Variants in DPP10 observed in about 807,000 individuals in gnomAD.
The protein encoded by DPP10 is inactive dipeptidyl peptidase 10.
In DPP10, 33 loss-of-function variants were observed where a neutral mutation model predicts 120.9. The ratio of observed to expected loss-of-function variants is 0.27; its 90% CI spans 0.21 to 0.37. The LOEUF (loss-of-function observed/expected upper bound fraction) is 0.37, where lower values mean the gene tolerates loss of function less well. Among genes scored for constraint, DPP10 ranks in the 10% least tolerant of loss-of-function variants. The pLI is 1.00. For missense variants in DPP10, 816 were observed against 942.8 expected, an observed-to-expected ratio of 0.87 and a Z score of 1.76; for synonymous variants, 337 against 326.1, an observed-to-expected ratio of 1.03 and a Z score of -0.36.
chr2:115,089,091 A>G (rs186923168), intron 1 of DPP10, among the ~76,000 whole-genome samples: 1 of 151,894 alleles, frequency 6.6e-6, no homozygotes, highest in African/African-American at 2.4e-5. Flanking sequence ...CTGCCCGCAA[A>G]CTTCTTGACA....
chr2:114,597,441 T>C (rs1299910308), intron 1 of DPP10, among the ~76,000 whole-genome samples: 1 of 152,026 alleles, frequency 6.6e-6, no homozygotes, highest in Non-Finnish European at 1.5e-5. Context: ...TCAAATTGTT[T>C]ATCAAGAAAA....
At chr2:114,449,488 G>C (rs1035653889) in intron 1 of DPP10, among the ~76,000 whole-genome samples, 33 of 142,260 alleles carry the variant, frequency 2.3e-4, no homozygotes, top group African/African-American at 8.1e-4. Flanking sequence ...TTTTTTTATA[G>C]TTACCACTGG....
At chr2:115,748,492 A>G (rs984060126) in intron 10 of DPP10, among the ~76,000 whole-genome samples, 1 of 152,120 alleles carries the variant, frequency 6.6e-6, no homozygotes, top group Non-Finnish European at 1.5e-5. Flanking sequence ...ATAAGGAGGA[A>G]TAATAGTAAG....
intron 1 of DPP10, among the ~76,000 whole-genome samples, chr2:114,899,563 C>G (rs1409592658): frequency 6.6e-6 from 1 of 151,672 alleles, no homozygotes; most frequent in African/African-American, 2.4e-5. Flanking sequence ...TCCTTAAACA[C>G]TATAGTTTAA....
chr2:114,671,020 A>T (rs879369165), intron 1 of DPP10, among the ~76,000 whole-genome samples: 1 of 152,324 alleles, frequency 6.6e-6, no homozygotes, highest in Non-Finnish European at 1.5e-5. Flanking sequence ...ACCCTTAAAG[A>T]ATTCTTGTTC....
chr2:114,818,570 T>C (rs1029087657), intron 1 of DPP10, among the ~76,000 whole-genome samples: 17 of 152,302 alleles, frequency 1.1e-4, no homozygotes, highest in African/African-American at 4.1e-4. Context: ...ATGATTTTCC[T>C]AGTTGTCTTG....
chr2:115,193,283 A>G (rs982115270), intron 1 of DPP10, among the ~76,000 whole-genome samples: 1 of 152,198 alleles, frequency 6.6e-6, no homozygotes, highest in Non-Finnish European at 1.5e-5. Flanking sequence ...TTTACCATGT[A>G]AGATTCTTTT....
rs146750191 is a variant in DPP10, at chr2:115,324,713, T to A, written c.175+15360T>A. 8.2e-4 allele frequency among the ~76,000 whole-genome samples: 125 copies of A among 152,320 alleles called. 1 individual carries two copies. Among genetic ancestry groups the A allele is most frequent in the Non-Finnish European group, 1.6e-3 (107 of 68,030 alleles). Reference sequence around the variant, plus strand: ...ATAGATTAGCACTTTTAATTTCCCATAAGAACTTTTTGTGGCTAACTGTTG... The same window carrying A: ...ATAGATTAGCACTTTTAATTTCCCAAAAGAACTTTTTGTGGCTAACTGTTG... On this transcript the variant is annotated intron_variant, in intron 2 of 25. Transcript: ENST00000410059.
intron 1 of DPP10, among the ~76,000 whole-genome samples, chr2:115,019,262 A>T (rs557969798): frequency 1.1e-4 from 16 of 152,350 alleles, no homozygotes; most frequent in African/African-American, 3.6e-4. Flanking sequence ...TAAATTATCA[A>T]ATAAATAAAT....
chr2:114,781,214 C>G (rs1682297955), intron 1 of DPP10, among the ~76,000 whole-genome samples: 1 of 152,106 alleles, frequency 6.6e-6, no homozygotes, highest in Non-Finnish European at 1.5e-5. Context: ...TCCACACATA[C>G]AGTTCAGAGG....
At chr2:114,600,677 A>G (rs913019048) in intron 1 of DPP10, among the ~76,000 whole-genome samples, 5 of 151,886 alleles carry the variant, frequency 3.3e-5, no homozygotes, top group Admixed American at 6.6e-5. Context: ...ATTCTAATTT[A>G]GTGTTTAATG....
At chr2:115,436,523 G>A (rs1365093584) in intron 3 of DPP10, among the ~76,000 whole-genome samples, 1 of 151,710 alleles carries the variant, frequency 6.6e-6, no homozygotes. Flanking sequence ...CACTTAGAAA[G>A]TACCTGATTT....
At chr2:114,464,407 C>T (rs1679179831) in intron 1 of DPP10, among the ~76,000 whole-genome samples, 1 of 151,882 alleles carries the variant, frequency 6.6e-6, no homozygotes, top group Non-Finnish European at 1.5e-5. Flanking sequence ...GGTGGGGAGT[C>T]TGTTCAGTTA....
chr2:115,267,153 G>A (rs2059496002), intron 1 of DPP10, among the ~76,000 whole-genome samples: 1 of 152,088 alleles, frequency 6.6e-6, no homozygotes, highest in South Asian at 2.1e-4. Flanking sequence ...ATATTTGGAG[G>A]AATTGTTCTT....
intron 5 of DPP10, among the ~76,000 whole-genome samples, chr2:115,657,586 G>T (rs951639481): frequency 1.1e-4 from 16 of 151,424 alleles, no homozygotes; most frequent in Admixed American, 1.1e-3. Flanking sequence ...TTCTTCTAAT[G>T]CTCAACCACC....
intron 1 of DPP10, among the ~76,000 whole-genome samples, chr2:114,836,122 G>A (rs968116620): frequency 2.6e-5 from 4 of 152,054 alleles, no homozygotes; most frequent in Admixed American, 6.6e-5. Context: ...TCCATGCAAG[G>A]CCACCTAAAA....
At chr2:114,683,478 C>CT in intron 1 of DPP10, among the ~76,000 whole-genome samples, 2 of 151,202 alleles carry the variant, frequency 1.3e-5, no homozygotes, top group Non-Finnish European at 3.0e-5. Flanking sequence ...TCCTTCCAAC[C>CT]TCCTTTCCTT....
intron 1 of DPP10, among the ~76,000 whole-genome samples, chr2:114,610,074 A>G (rs1334965531): frequency 1.3e-5 from 2 of 152,200 alleles, no homozygotes; most frequent in Non-Finnish European, 2.9e-5. Context: ...TCAGTATTTC[A>G]CGGGAACAAC....
chr2:115,308,323 CT>C (rs1398727721), intron 1 of DPP10, among the ~76,000 whole-genome samples: 2 of 151,960 alleles, frequency 1.3e-5, no homozygotes, highest in African/African-American at 4.8e-5. Context: ...ATCACCAAAT[CT>C]GTTAGCTATT....
Sources: allele counts gnomAD v4.1 joint callset (sites outside exome capture counted in the v4.1 genomes callset), GRCh38; gene constraint gnomAD v4.1.1; transcripts MANE v1.5; gene names NCBI Gene and HGNC (gene_info 2026-07-23, HGNC 2026-07-21).